Variants in PPP2R2B observed in about 807,000 individuals in gnomAD.
PPP2R2B encodes protein phosphatase 2 regulatory subunit Bbeta.
PPP2R2B carries 5 observed loss-of-function variants against 46.0 expected under a neutral mutation model. The observed-to-expected ratio is 0.11, with a 90% confidence interval of 0.06 to 0.23. PPP2R2B has a LOEUF of 0.23. Among genes scored for constraint, PPP2R2B ranks in the 10% least tolerant of loss-of-function variants. The probability of loss-of-function intolerance (pLI) is 1.00; values close to 1 mark genes in which losing one functional copy is unlikely to be tolerated. For missense variants in PPP2R2B, 367 were observed against 575.0 expected, an observed-to-expected ratio of 0.64 and a Z score of 3.70; for synonymous variants, 215 against 206.7, an observed-to-expected ratio of 1.04 and a Z score of -0.34.
chr5:146,846,713 T>A (rs923416161), intron 2 of PPP2R2B, among the ~76,000 whole-genome samples: 32 of 152,296 alleles, frequency 2.1e-4, no homozygotes, highest in African/African-American at 7.7e-4. Flanking sequence ...ATTCTTTATT[T>A]TTTTTAAAAG....
chr5:146,606,567 C>T (rs72652834), intron 7 of PPP2R2B, among the ~76,000 whole-genome samples: 15,044 of 152,146 alleles, frequency 0.099, 1,026 homozygotes, highest in East Asian at 0.24. Flanking sequence ...CTTAGCAAAG[C>T]GTCTGTACCC....
At chr5:146,953,017 A>G (rs1751696275) in intron 1 of PPP2R2B, among the ~76,000 whole-genome samples, 1 of 152,190 alleles carries the variant, frequency 6.6e-6, no homozygotes, top group South Asian at 2.1e-4. Context: ...CAGATAAAAT[A>G]TGTAAAAATG....
At chr5:146,726,261 AT>A (rs1338578866) in intron 2 of PPP2R2B, among the ~76,000 whole-genome samples, 1 of 151,838 alleles carries the variant, frequency 6.6e-6, no homozygotes, top group Non-Finnish European at 1.5e-5. Context: ...GAAAACTAGG[AT>A]TTTGGCCAAT....
At chr5:147,061,844 T>A (rs747697580) in intron 2 of PPP2R2B, among the ~76,000 whole-genome samples, 6 of 152,188 alleles carry the variant, frequency 3.9e-5, no homozygotes, top group Non-Finnish European at 5.9e-5. Flanking sequence ...AAGCCAAGCA[T>A]GTTTTGCACC....
At chr5:147,051,328 T>A (rs1176982143) in intron 1 of PPP2R2B, among the ~76,000 whole-genome samples, 1 of 152,134 alleles carries the variant, frequency 6.6e-6, no homozygotes, top group Non-Finnish European at 1.5e-5. Flanking sequence ...AAGACTGTTG[T>A]GAGGAGTGAA....
At chr5:146,849,859 A>G (rs1242504079) in intron 2 of PPP2R2B, among the ~76,000 whole-genome samples, 1 of 152,250 alleles carries the variant, frequency 6.6e-6, no homozygotes, top group Middle Eastern at 3.2e-3. Flanking sequence ...ATCTTAATAC[A>G]TCCTCGAAGT....
In PPP2R2B at chr5:147,069,905, C is replaced by T. The variant is rs113894135; in HGVS notation, c.50+11154G>A. ...TACCAGGTTCAAGCAATTCTCTTGC[C>T]TCAGCCTCCTGAGTAGCTGGGATTA... On this transcript the variant is annotated intron_variant, in intron 2 of 10. Transcript: ENST00000394413. Among the ~76,000 whole-genome samples, 929 of 146,606 alleles carry T rather than the reference C, an allele frequency of 6.3e-3. 8 individuals carry two copies. Among genetic ancestry groups the T allele is most frequent in the African/African-American group, 0.022 (886 of 39,866 alleles).
At chr5:146,956,824 C>T (rs6580446) in intron 1 of PPP2R2B, among the ~76,000 whole-genome samples, 80,337 of 151,988 alleles carry the variant, frequency 0.53, 23,320 homozygotes, top group Non-Finnish European at 0.65. Flanking sequence ...TTGCAGATGG[C>T]CATCTTTCAC....
At chr5:146,625,763 T>C (rs1421480653) in intron 7 of PPP2R2B, among the ~76,000 whole-genome samples, 1 of 152,120 alleles carries the variant, frequency 6.6e-6, no homozygotes, top group Non-Finnish European at 1.5e-5. Context: ...CAAAATGGAA[T>C]AAAGATTGTG....
intron 5 of PPP2R2B, among the ~76,000 whole-genome samples, chr5:146,653,481 G>T (rs405549): frequency 0.78 from 118,953 of 151,956 alleles, 46,975 homozygotes; most frequent in East Asian, 0.83. Context: ...CCTGAAGCTT[G>T]TGGTTGCTAC....
intron 1 of PPP2R2B, among the ~76,000 whole-genome samples, chr5:146,884,071 A>C (rs1462728508): frequency 2.0e-5 from 3 of 151,266 alleles, no homozygotes; most frequent in Non-Finnish European, 2.9e-5. Flanking sequence ...TTAAAAAAAA[A>C]CACTATGTAA....
intron 2 of PPP2R2B, chr5:146,751,653 G>A (rs1037844616): frequency 6.6e-6 from 1 of 152,204 alleles, no homozygotes; most frequent in Non-Finnish European, 1.5e-5. Flanking sequence ...CCCTCATGGA[G>A]TTTACATTCT....
rs1355127421 is a variant in PPP2R2B, at chr5:146,588,194, C to T, written c.*1753G>A. The T allele has an allele frequency of 6.6e-6, 1 of 152,200 alleles. No homozygotes were observed. Among genetic ancestry groups the T allele is most frequent in the Non-Finnish European group, 1.5e-5 (1 of 68,034 alleles). The allele number at this position is 152,200 out of a possible 1,614,324, so 9.4% of individuals were successfully genotyped here. ...AAAATGAGAAATACTGAGAAAGTCT[C>T]GTCTTTGTTCCCATGCTCCCTCAAT... On this transcript the variant is annotated 3_prime_UTR_variant, in exon 10 of 10. Transcript: ENST00000394411.
At chr5:146,822,885 C>A (rs1758354585) in intron 2 of PPP2R2B, among the ~76,000 whole-genome samples, 1 of 152,200 alleles carries the variant, frequency 6.6e-6, no homozygotes, top group Non-Finnish European at 1.5e-5. Context: ...ATTTATATAA[C>A]CTCCTTAAAA....
At chr5:146,622,875 A>G (rs1048379556) in intron 7 of PPP2R2B, among the ~76,000 whole-genome samples, 4 of 152,234 alleles carry the variant, frequency 2.6e-5, no homozygotes, top group African/African-American at 9.6e-5. Flanking sequence ...GGGGTCTATT[A>G]TATAGATCAT....
At chr5:147,056,887 G>C (rs1757104268), upstream of PPP2R2B, among the ~76,000 whole-genome samples, 1 of 152,174 alleles carries the variant, frequency 6.6e-6, no homozygotes, top group South Asian at 2.1e-4. Context: ...AGACACTATT[G>C]TATATAATGA....
chr5:146,585,853 T>C lies in PPP2R2B; in HGVS notation c.*4094A>G, dbSNP rs17513824. The C allele has an allele frequency of 0.025, 3,785 of 152,330 alleles. 78 individuals are homozygous for C. Among genetic ancestry groups the C allele is most frequent in the Non-Finnish European group, 0.038 (2,562 of 68,032 alleles). The allele number at this position is 152,330 out of a possible 1,614,324, so 9.4% of individuals were successfully genotyped here. A position where few individuals can be genotyped will look rare whatever the true frequency, so the allele number is the denominator to read the frequency against. ...AATTCTCTGAGCTAGGATAGATGTC[T>C]TTCTGGCCATTTTACAGGTGATGAC... On this transcript the variant is annotated 3_prime_UTR_variant, in exon 10 of 10. Transcript: ENST00000394411.
intron 4 of PPP2R2B, 126 bp from the exon 5 acceptor site, chr5:146,691,366 A>G (rs1778841515): frequency 2.9e-6 from 2 of 700,674 alleles, no homozygotes; most frequent in East Asian, 2.7e-5. Flanking sequence ...GCTGGCTCAC[A>G]TAAACGTTTG....
chr5:146,735,370 C>G (rs1440230204), intron 2 of PPP2R2B, among the ~76,000 whole-genome samples: 1 of 151,270 alleles, frequency 6.6e-6, no homozygotes, highest in Non-Finnish European at 1.5e-5. Context: ...CCCTTGCAAA[C>G]AGACAGAGAA....
Sources: allele counts gnomAD v4.1 joint callset (sites outside exome capture counted in the v4.1 genomes callset), GRCh38; gene constraint gnomAD v4.1.1; transcripts MANE v1.5; gene names NCBI Gene and HGNC (gene_info 2026-07-23, HGNC 2026-07-21).